DPYD: variants seen among roughly 807,000 people sequenced by gnomAD.
DPYD encodes dihydropyrimidine dehydrogenase.
In DPYD, 109 loss-of-function variants were observed where a neutral mutation model predicts 116.2. The observed-to-expected ratio is 0.94, with a 90% CI of 0.80 to 1.10. DPYD has a LOEUF of 1.10. Among genes scored for constraint, DPYD ranks in the 50% least tolerant of loss-of-function variants. DPYD has a pLI of 0.00. For missense variants in DPYD, 1,302 were observed against 1,254.5 expected, an observed-to-expected ratio of 1.04 and a Z score of -0.57; for synonymous variants, 440 against 432.0, an observed-to-expected ratio of 1.02 and a Z score of -0.23.
At chr1:97,906,253 T>G (rs1673612604) in intron 1 of DPYD, among the ~76,000 whole-genome samples, 1 of 152,074 alleles carries the variant, frequency 6.6e-6, no homozygotes, top group Admixed American at 6.6e-5. Flanking sequence ...TCTTTATCAT[T>G]TATTAAATAT....
chr1:97,122,220 A>G (rs1040856051), intron 20 of DPYD, among the ~76,000 whole-genome samples: 1 of 152,146 alleles, frequency 6.6e-6, no homozygotes, highest in Non-Finnish European at 1.5e-5. Flanking sequence ...ATAGGTGACT[A>G]TCATATAGAG....
intron 13 of DPYD, among the ~76,000 whole-genome samples, chr1:97,513,955 T>C (rs1251283261): frequency 6.6e-6 from 1 of 151,878 alleles, no homozygotes; most frequent in Non-Finnish European, 1.5e-5. Flanking sequence ...ATTTTTGTCA[T>C]TGCAATTTGC....
At chr1:97,806,605 C>T (rs1244618456) in intron 3 of DPYD, among the ~76,000 whole-genome samples, 2 of 151,896 alleles carry the variant, frequency 1.3e-5, no homozygotes, top group Admixed American at 1.3e-4. Context: ...ACTCCCTCAC[C>T]ATCAACATTC....
chr1:97,215,246 T>C (rs1280041781), intron 19 of DPYD, among the ~76,000 whole-genome samples: 1 of 152,152 alleles, frequency 6.6e-6, no homozygotes. Context: ...AAGCCCAAGG[T>C]CATATAGCTA....
At chr1:97,360,822 T>G (rs1232253086) in intron 16 of DPYD, among the ~76,000 whole-genome samples, 1 of 152,150 alleles carries the variant, frequency 6.6e-6, no homozygotes, top group African/African-American at 2.4e-5. Context: ...GAGAGAAATT[T>G]ATAGCACTAA....
chr1:97,760,304 C>T (rs2101125001), intron 3 of DPYD, among the ~76,000 whole-genome samples: 1 of 152,254 alleles, frequency 6.6e-6, no homozygotes, highest in Non-Finnish European at 1.5e-5. Context: ...GAATCTCTCT[C>T]TCACACATAC....
At chr1:97,435,094 G>A (rs569831429) in intron 14 of DPYD, among the ~76,000 whole-genome samples, 1 of 151,996 alleles carries the variant, frequency 6.6e-6, no homozygotes, top group African/African-American at 2.4e-5. Context: ...TTGGGGAAAA[G>A]GCTCATTGCC....
intron 18 of DPYD, among the ~76,000 whole-genome samples, chr1:97,258,428 G>A (rs527634953): frequency 6.6e-6 from 1 of 152,256 alleles, no homozygotes; most frequent in African/African-American, 2.4e-5. Context: ...CCATCCTTCA[G>A]GGGGACAATT....
intron 18 of DPYD, among the ~76,000 whole-genome samples, chr1:97,251,786 A>G (rs1663119225): frequency 6.6e-6 from 1 of 152,196 alleles, no homozygotes; most frequent in Non-Finnish European, 1.5e-5. Flanking sequence ...GTAACTCTTG[A>G]ATTAGCCAGG....
At chr1:97,757,861 T>C (rs1048495299) in intron 3 of DPYD, among the ~76,000 whole-genome samples, 3 of 152,096 alleles carry the variant, frequency 2.0e-5, no homozygotes, top group African/African-American at 7.2e-5. Flanking sequence ...GATGGTACAA[T>C]CTCTTTAGGA....
intron 21 of DPYD, among the ~76,000 whole-genome samples, chr1:97,095,136 T>C (rs1650153534): frequency 2.0e-5 from 3 of 152,186 alleles, no homozygotes; most frequent in Admixed American, 6.5e-5. Context: ...TTTTCATTTA[T>C]AAAGATTTAA....
At chr1:97,804,730 G>T (rs1047499257) in intron 3 of DPYD, among the ~76,000 whole-genome samples, 7 of 151,794 alleles carry the variant, frequency 4.6e-5, no homozygotes, top group Non-Finnish European at 7.4e-5. Context: ...ATAGGTAAGT[G>T]TTTAAGTGGT....
intron 19 of DPYD, among the ~76,000 whole-genome samples, chr1:97,212,861 A>G (rs1356739847): frequency 6.6e-6 from 1 of 152,172 alleles, no homozygotes; most frequent in African/African-American, 2.4e-5. Context: ...GTAACTTAAC[A>G]TTCCTGTCTA....
At chr1:97,818,650 T>C (rs1298773443) in intron 3 of DPYD, among the ~76,000 whole-genome samples, 1 of 152,052 alleles carries the variant, frequency 6.6e-6, no homozygotes, top group African/African-American at 2.4e-5. Context: ...ATTTGAGCAG[T>C]GAGATTGGAA....
chr1:97,428,249 AAG>A (rs1340036665), intron 14 of DPYD, among the ~76,000 whole-genome samples: 1 of 152,078 alleles, frequency 6.6e-6, no homozygotes, highest in African/African-American at 2.4e-5. Flanking sequence ...CTAGTTCTTC[AAG>A]ATCATGGTAC....
At chr1:97,288,383 A>AT (rs1225807417) in intron 18 of DPYD, among the ~76,000 whole-genome samples, 8 of 151,434 alleles carry the variant, frequency 5.3e-5, no homozygotes, top group African/African-American at 1.7e-4. Context: ...CAGAATATAC[A>AT]TTTTTTTCAG....
At position 97,555,251 on chromosome 1, in the gene DPYD, A is replaced by AT. The variant is rs1378588965; in HGVS notation, c.1340-5508dup. Among the ~76,000 whole-genome samples the AT allele has an allele frequency of 2.6e-5, 4 of 151,410 alleles. No individual in the cohort carries two copies. In the East Asian group the frequency reaches 7.8e-4, roughly 29 times the overall value. On this transcript the variant is annotated intron_variant, in intron 11 of 22. Transcript: ENST00000370192. ...GGCTCTAGCCCCTCTTCACCTCTTCATTTTCCTCTTCTCAGCTCTCAAATA... is the reference window on the plus strand; with the variant it reads ...GGCTCTAGCCCCTCTTCACCTCTTCATTTTTCCTCTTCTCAGCTCTCAAATA...
intron 12 of DPYD, among the ~76,000 whole-genome samples, chr1:97,516,460 C>G (rs72729976): frequency 0.02 from 3,066 of 152,070 alleles, 125 homozygotes; most frequent in African/African-American, 0.07. Flanking sequence ...TTCTACCTCA[C>G]AGGAAGACTG....
chr1:97,712,941 G>A (rs758305620), intron 5 of DPYD, among the ~76,000 whole-genome samples: 47 of 152,000 alleles, frequency 3.1e-4, no homozygotes, highest in Non-Finnish European at 5.4e-4. Context: ...TGGCACTTAA[G>A]TTTATCTTAG....
Sources: gnomAD v4.1 joint callset for allele counts (sites outside exome capture counted in the v4.1 genomes callset) on GRCh38, gnomAD v4.1.1 for gene constraint, MANE v1.5 for transcripts, NCBI Gene and HGNC (gene_info 2026-07-23, HGNC 2026-07-21) for gene names.